Variants in PHACTR1 observed in about 807,000 individuals in gnomAD.
PHACTR1 encodes the protein phosphatase and actin regulator 1.
In PHACTR1, 16 loss-of-function variants were observed where a neutral mutation model predicts 69.2. That is an observed-to-expected ratio of 0.23 (90% CI 0.16 to 0.35). The LOEUF is 0.35. Ranked by LOEUF, PHACTR1 falls within the 10% of genes least tolerant of loss-of-function variation. PHACTR1 has a pLI of 1.00. For missense variants in PHACTR1, 510 were observed against 734.7 expected, an observed-to-expected ratio of 0.69 and a Z score of 3.54; for synonymous variants, 312 against 284.5, an observed-to-expected ratio of 1.10 and a Z score of -0.97.
chr6:12,890,709 G>T (rs1445509728), intron 4 of PHACTR1, among the ~76,000 whole-genome samples: 1 of 152,090 alleles, frequency 6.6e-6, no homozygotes, highest in African/African-American at 2.4e-5. Flanking sequence ...TGTTTACTCA[G>T]ATCTCCCCTT....
chr6:12,892,767 A>G (rs192722798), intron 4 of PHACTR1, among the ~76,000 whole-genome samples: 28 of 152,368 alleles, frequency 1.8e-4, no homozygotes, highest in Non-Finnish European at 3.4e-4. Context: ...CTCATGCTCC[A>G]GGAACACACA....
intron 4 of PHACTR1, among the ~76,000 whole-genome samples, chr6:12,989,156 G>T (rs1192541916): frequency 6.6e-6 from 1 of 152,166 alleles, no homozygotes; most frequent in Non-Finnish European, 1.5e-5. Context: ...TAATACAAAA[G>T]GTGACTTTCA....
intron 3 of PHACTR1, among the ~76,000 whole-genome samples, chr6:12,737,925 C>A (rs188436224): frequency 1.3e-5 from 2 of 152,126 alleles, no homozygotes; most frequent in Admixed American, 6.6e-5. Context: ...ATAACCACAG[C>A]GCATCTATCC....
chr6:13,183,815 T>C (rs1445905183), intron 7 of PHACTR1, among the ~76,000 whole-genome samples: 1 of 152,136 alleles, frequency 6.6e-6, no homozygotes, highest in Admixed American at 6.5e-5. Flanking sequence ...TTGACTGTTA[T>C]AGTAAAAATC....
At chr6:13,043,765 T>C (rs1255816633) in intron 4 of PHACTR1, among the ~76,000 whole-genome samples, 2 of 152,220 alleles carry the variant, frequency 1.3e-5, no homozygotes, top group Non-Finnish European at 2.9e-5. Context: ...TTTATTTAAC[T>C]GCAAGAAGAA....
At chr6:13,281,118 C>T (rs1358154537) in intron 12 of PHACTR1, 1 of 1,289,276 alleles carries the variant, frequency 7.8e-7, no homozygotes, top group Non-Finnish European at 1.0e-6. Context: ...AGCCCCTGAC[C>T]TGCAGCATTT....
intron 11 of PHACTR1, 123 bp from the exon 12 acceptor site, chr6:13,278,145 G>A: frequency 1.1e-6 from 1 of 871,452 alleles, no homozygotes; most frequent in South Asian, 1.7e-5. Flanking sequence ...GGAGGGGACA[G>A]GAGTACTCTC....
chr6:12,777,506 G>A (rs1014336563), intron 4 of PHACTR1, among the ~76,000 whole-genome samples: 1 of 151,506 alleles, frequency 6.6e-6, no homozygotes, highest in Non-Finnish European at 1.5e-5. Flanking sequence ...CTGTTCTTGA[G>A]TTATTTTGCT....
At chr6:12,794,335 G>A (rs1043454608) in intron 4 of PHACTR1, among the ~76,000 whole-genome samples, 1 of 152,230 alleles carries the variant, frequency 6.6e-6, no homozygotes, top group African/African-American at 2.4e-5. Context: ...GCTTTCTCCT[G>A]AAAGGAGGTG....
At chr6:12,746,664 A>C (rs1322691285) in intron 3 of PHACTR1, among the ~76,000 whole-genome samples, 1 of 152,260 alleles carries the variant, frequency 6.6e-6, no homozygotes, top group South Asian at 2.1e-4. Context: ...AGTGCATTTA[A>C]ACTCCTTTGA....
chr6:13,189,724 A>G (rs1763260346), intron 7 of PHACTR1, among the ~76,000 whole-genome samples: 1 of 152,130 alleles, frequency 6.6e-6, no homozygotes, highest in Admixed American at 6.6e-5. Context: ...TAAAAAAATC[A>G]GCTTTCTTTG....
intron 4 of PHACTR1, among the ~76,000 whole-genome samples, chr6:12,955,517 C>T (rs918612720): frequency 5.9e-5 from 9 of 152,064 alleles, no homozygotes; most frequent in African/African-American, 1.2e-4. Flanking sequence ...TTGAACAGTG[C>T]TGGTCTAAGA....
intron 4 of PHACTR1, among the ~76,000 whole-genome samples, chr6:12,930,638 C>A (rs76980349): frequency 0.017 from 2,584 of 152,242 alleles, 79 homozygotes; most frequent in African/African-American, 0.059. Context: ...AAATAAACAT[C>A]AACTCAAGGC....
chr6:12,803,118 T>C (rs920859562), intron 4 of PHACTR1, among the ~76,000 whole-genome samples: 3 of 152,196 alleles, frequency 2.0e-5, no homozygotes, highest in Admixed American at 1.3e-4. Context: ...AGCCACACTG[T>C]CTTATCTGTG....
intron 5 of PHACTR1, among the ~76,000 whole-genome samples, chr6:13,077,932 A>G (rs1810780153): frequency 6.6e-6 from 1 of 152,168 alleles, no homozygotes; most frequent in South Asian, 2.1e-4. Flanking sequence ...GTGCTTTAAC[A>G]GCCATGGATA....
chr6:13,133,300 C>T (rs1561876672), intron 5 of PHACTR1, among the ~76,000 whole-genome samples: 1 of 145,162 alleles, frequency 6.9e-6, no homozygotes, highest in Non-Finnish European at 1.5e-5. Flanking sequence ...CCACAGTCTC[C>T]CTCTCCCTCT....
intron 5 of PHACTR1, among the ~76,000 whole-genome samples, chr6:13,151,611 C>A (rs1222676045): frequency 6.6e-6 from 1 of 152,190 alleles, no homozygotes; most frequent in Non-Finnish European, 1.5e-5. Flanking sequence ...TACCTACATC[C>A]CATGAAATGG....
intron 4 of PHACTR1, among the ~76,000 whole-genome samples, chr6:12,897,734 CT>C (rs1784809558): frequency 8.8e-6 from 1 of 113,500 alleles, no homozygotes; most frequent in Non-Finnish European, 2.0e-5. Context: ...TATTATTATA[CT>C]TTAAGTTCTG....
intron 10 of PHACTR1, among the ~76,000 whole-genome samples, chr6:13,271,311 C>G (rs999241175): frequency 6.6e-6 from 1 of 152,140 alleles, no homozygotes; most frequent in Non-Finnish European, 1.5e-5. Flanking sequence ...GGCCTCCCCC[C>G]GAGCAATGGG....
Sources: allele counts gnomAD v4.1 joint callset (sites outside exome capture counted in the v4.1 genomes callset), GRCh38; gene constraint gnomAD v4.1.1; transcripts MANE v1.5; gene names NCBI Gene and HGNC (gene_info 2026-07-23, HGNC 2026-07-21).